MAD2L2: variants seen among roughly 807,000 people sequenced by gnomAD.
MAD2L2 encodes the protein mitotic spindle assembly checkpoint protein MAD2B.
In MAD2L2, 17 loss-of-function variants were observed where a neutral mutation model predicts 30.5. That is an observed-to-expected ratio of 0.56 (90% CI 0.38 to 0.84). MAD2L2 has a LOEUF of 0.84. Ranked by LOEUF, MAD2L2 falls within the 40% of genes least tolerant of loss-of-function variation. MAD2L2 has a pLI of 0.00. For synonymous variants in MAD2L2, 101 were observed against 113.9 expected (o/e 0.89, Z 0.72); for missense variants, 213 against 277.4 (o/e 0.77, Z 1.65).
chr1:11,682,772 C>T (rs530248538), upstream of MAD2L2, among the ~76,000 whole-genome samples: 1 of 151,998 alleles, frequency 6.6e-6, no homozygotes, highest in African/African-American at 2.4e-5. Context: ...TGTAAAAATG[C>T]GATGCATTTT....
upstream of MAD2L2, among the ~76,000 whole-genome samples, chr1:11,683,265 C>T (rs1640905845): frequency 2.0e-5 from 3 of 152,098 alleles, no homozygotes; most frequent in South Asian, 6.2e-4. Flanking sequence ...ACGAGCCACC[C>T]GTAGAACTCC....
Position 11,687,879 on chromosome 1 carries a change from T to C in MAD2L2, c.-692+3534A>G, listed in dbSNP as rs116179757. ...TTATCCAGTCATCAGTTGATGAATA[T>C]TGGAGCCTGCTTTGGCCCCTCAAGT... On this transcript the variant is annotated intron_variant, in intron 1 of 10. Transcript: ENST00000235310. The surrounding 1 kb of genome is among the most constrained non-coding windows in gnomAD (Gnocchi z 4.1). 4.0e-3 allele frequency among the ~76,000 whole-genome samples: 603 copies of C among 152,302 alleles called. 3 individuals carry two copies. The highest frequency in any genetic ancestry group is 0.014 in the African/African-American group (584 of 41,552).
upstream of MAD2L2, among the ~76,000 whole-genome samples, chr1:11,684,390 C>T (rs997632022): frequency 2.0e-4 from 30 of 152,104 alleles, no homozygotes; most frequent in African/African-American, 7.0e-4. Context: ...GCATATTTTT[C>T]ACCATAATGA....
chr1:11,691,055 C>A (rs892811652), intron 1 of MAD2L2, among the ~76,000 whole-genome samples: 2 of 152,192 alleles, frequency 1.3e-5, no homozygotes, highest in Non-Finnish European at 1.5e-5. Flanking sequence ...TTTGAAGACC[C>A]TTTGTACCCC....
intron 1 of MAD2L2, among the ~76,000 whole-genome samples, chr1:11,686,440 C>G (rs918350686): frequency 1.1e-4 from 17 of 152,186 alleles, no homozygotes; most frequent in Admixed American, 6.5e-5. Context: ...TGATCATCTG[C>G]TCTTTTTTCA....
rs2233016 is a variant in MAD2L2, at chr1:11,680,248, G to T, written c.159+105C>A. ...TGACCTCAGGTGATCCGCCCGCCTCGGCCTCCCAAAGTGCTAGGATTACAG... is the reference window on the plus strand; with the variant it reads ...TGACCTCAGGTGATCCGCCCGCCTCTGCCTCCCAAAGTGCTAGGATTACAG... On this transcript the variant is annotated intron_variant, in intron 3 of 8. Transcript: ENST00000376692. 8.1e-4 allele frequency: 714 copies of T among 883,720 alleles called. 8 individuals are homozygous for T. The East Asian group carries it at 8.6e-3, about 11-fold the overall frequency. The allele number at this position is 883,720 out of a possible 1,614,324, so 54.7% of individuals were successfully genotyped here. A position where few individuals can be genotyped will look rare whatever the true frequency, so the allele number is the denominator to read the frequency against.
upstream of MAD2L2, among the ~76,000 whole-genome samples, chr1:11,685,995 A>G (rs1480586087): frequency 2.0e-5 from 3 of 152,172 alleles, no homozygotes; most frequent in East Asian, 5.8e-4. Context: ...CTGGCACATA[A>G]ATGCTCAATT....
intron 4 of MAD2L2, 103 bp downstream of exon 4, chr1:11,677,440 C>T: frequency 8.7e-7 from 1 of 1,143,716 alleles, no homozygotes; most frequent in Non-Finnish European, 1.3e-6. Context: ...CATGAAGACC[C>T]CACAGAGTCC....
At chr1:11,691,056 T>C (rs1641053254) in intron 1 of MAD2L2, among the ~76,000 whole-genome samples, 1 of 152,146 alleles carries the variant, frequency 6.6e-6, no homozygotes, top group African/African-American at 2.4e-5. Flanking sequence ...TTGAAGACCC[T>C]TTGTACCCCT....
rs1282838675 is a variant in MAD2L2 at position 11,688,594 on chromosome 1, G to C, written c.-692+2819C>G. 6.6e-6 allele frequency among the ~76,000 whole-genome samples: 1 copy of C among 151,896 alleles called. No homozygotes were observed. The highest frequency in any genetic ancestry group is 1.5e-5 in the Non-Finnish European group (1 of 67,986). ...AAAAGAAAAAGCAATCAGCAAACCT[G>C]CTAAAAACCTAAGTCGGATCATGTC... On this transcript the variant is annotated intron_variant, in intron 1 of 10. Transcript: ENST00000235310. This position sits in a 1 kb window ranked among gnomAD's most constrained non-coding sequence, Gnocchi z 4.6.
Position 11,677,080 on chromosome 1 carries a change from G to T in MAD2L2, c.232-132C>A. The stretch of plus-strand genomic sequence containing the variant: ...GCCCTGCTCAGCTGCTAGGCTGGGG[G>T]TCCCCAAGAGGCCAGATAGCGAGTT... On this transcript the variant is annotated intron_variant, in intron 4 of 8. Transcript: ENST00000376692. 3 of 730,596 alleles carry T rather than the reference G, an allele frequency of 4.1e-6. No individual in the cohort carries two copies. The South Asian group carries it at 4.5e-5, about 11-fold the overall frequency. The allele number at this position is 730,596 out of a possible 1,614,324, so 45.3% of individuals were successfully genotyped here. A position where few individuals can be genotyped will look rare whatever the true frequency, so the allele number is the denominator to read the frequency against.
Position 11,674,827 on chromosome 1 carries a change from C to A in MAD2L2, c.595-11G>T, listed in dbSNP as rs1640729211. The A allele has an allele frequency of 1.9e-6, 3 of 1,613,686 alleles. No homozygotes were observed. The African/African-American group carries it at 4.0e-5, about 21-fold the overall frequency. ...CACGTAAAGCTGCATCTGACGGACA[C>A]AAGCAAACAGCCACAGTCAGCAAGA... On this transcript the variant is annotated splice_polypyrimidine_tract_variant and intron_variant, in intron 8 of 8. Transcript: ENST00000376692. This position sits in a 1 kb window ranked among gnomAD's most constrained non-coding sequence, Gnocchi z 6.1.
upstream of MAD2L2, among the ~76,000 whole-genome samples, chr1:11,683,672 T>TA (rs201236751): frequency 4.5e-4 from 68 of 150,740 alleles, no homozygotes; most frequent in East Asian, 2.9e-3. Context: ...TTATTGCAAT[T>TA]AAAAAAAAAC....
chr1:11,675,256 C>T, intron 7 of MAD2L2, 82 bp from the exon 8 acceptor site: 1 of 903,890 alleles, frequency 1.1e-6, no homozygotes, highest in East Asian at 2.5e-5. Context: ...CACTCCAGAC[C>T]AGGGGCCTCC....
upstream of MAD2L2, chr1:11,681,688 G>C (rs1041095843): frequency 2.6e-5 from 4 of 152,284 alleles, no homozygotes; most frequent in African/African-American, 9.6e-5. Flanking sequence ...TGGCCTGACC[G>C]CCCAAGAGGA....
At chr1:11,683,823 T>C (rs1473403861), upstream of MAD2L2, among the ~76,000 whole-genome samples, 1 of 151,876 alleles carries the variant, frequency 6.6e-6, no homozygotes, top group East Asian at 1.9e-4. Context: ...AATACAAAAT[T>C]AGCCAGGTGT....
chr1:11,676,910 T>C lies in MAD2L2; in HGVS notation c.270A>G (p.Lys90=), dbSNP rs1230328923. 1 of 1,614,088 alleles carries C rather than the reference T, an allele frequency of 6.2e-7. No homozygotes were observed. The highest frequency in any genetic ancestry group is 8.5e-7 in the Non-Finnish European group (1 of 1,179,998). The part of the protein sequence containing the change: ...VEKVVVVILD[K]EHRPVEKFVF... ...CGAATTTCTCCACTGGGCGGTGCTC[T>C]TTATCCAAAATCACCACCACCACTT... The change falls in exon 5 of 9, where the codon AAA becomes AAG. Residue 90 remains lysine, a synonymous_variant. Transcript: ENST00000376692.
chr1:11,682,453 CCG>C (rs746910724), upstream of MAD2L2, among the ~76,000 whole-genome samples: 9 of 125,510 alleles, frequency 7.2e-5, no homozygotes, highest in East Asian at 2.3e-3. Flanking sequence ...ATCCCTCCCC[CCG>C]CCCCCTGATG....
chr1:11,681,635 G>C (rs1017786653), upstream of MAD2L2: 41 of 152,360 alleles, frequency 2.7e-4, no homozygotes, highest in Admixed American at 7.2e-4. Flanking sequence ...GCGTGCACCG[G>C]CGTCGCCCCT....
Sources: gnomAD v4.1 joint callset for allele counts (sites outside exome capture counted in the v4.1 genomes callset) on GRCh38, gnomAD v4.1.1 for gene constraint, Gnocchi (gnomAD v3.1) non-coding constraint, MANE v1.5 for transcripts, NCBI Gene and HGNC (gene_info 2026-07-23, HGNC 2026-07-21) for gene names.